Variants in LARGE1 observed in about 807,000 individuals in gnomAD.
LARGE1 encodes the protein LARGE xylosyl- and glucuronyltransferase 1, also known as xylosyl- and glucuronyltransferase LARGE1.
LARGE1 carries 43 observed loss-of-function variants against 87.6 expected under a neutral mutation model. The observed-to-expected ratio is 0.49, with a 90% confidence interval of 0.38 to 0.63. The LOEUF is 0.63. Ranked by LOEUF, LARGE1 falls within the 30% of genes least tolerant of loss-of-function variation. The pLI, the probability that LARGE1 is intolerant of heterozygous loss-of-function variation, is 0.00. For synonymous variants in LARGE1, 434 were observed against 394.6 expected, an observed-to-expected ratio of 1.10 and a Z score of -1.18; for missense variants, 802 against 1,000.2, an observed-to-expected ratio of 0.80 and a Z score of 2.67.
chr22:33,115,323 A>G, the LARGE1 span, among the ~76,000 whole-genome samples: 1 of 152,136 alleles, frequency 6.6e-6, no homozygotes, highest in Non-Finnish European at 1.5e-5. Flanking sequence ...TCACGGCTGT[A>G]ATCCCAGCAC....
chr22:33,324,331 A>G (rs936044946), intron 10 of LARGE1, among the ~76,000 whole-genome samples: 2 of 145,602 alleles, frequency 1.4e-5, no homozygotes, highest in Non-Finnish European at 3.0e-5. Context: ...AAAGCCAAAA[A>G]CAAAACCTGC....
At chr22:33,507,630 T>C (rs1422768973) in intron 6 of LARGE1, among the ~76,000 whole-genome samples, 1 of 152,206 alleles carries the variant, frequency 6.6e-6, no homozygotes, top group Non-Finnish European at 1.5e-5. Context: ...TGGAGATGGA[T>C]GGTGGCGATG....
At chr22:33,172,259 G>C (rs1922616632) in intron 11 of LARGE1, among the ~76,000 whole-genome samples, 1 of 152,200 alleles carries the variant, frequency 6.6e-6, no homozygotes, top group Non-Finnish European at 1.5e-5. Flanking sequence ...AGGCTCATAG[G>C]GACTTGCTTT....
rs746365943 is a variant in LARGE1, at chr22:33,435,653, G to GTGC, written c.788-3391_788-3389dup. Among the ~76,000 whole-genome samples, 7 of 152,096 alleles carry GTGC rather than the reference G, an allele frequency of 4.6e-5. No homozygotes were observed. The South Asian group carries it at 1.0e-3, about 23-fold the overall frequency. On this transcript the variant is annotated intron_variant, in intron 6 of 14. Transcript: ENST00000397394. ...GATGGGGAGGCAGCACCCACTTGGG[G>GTGC]TGCTCTACATAAGGCTTAAACTCAA... is the stretch of plus-strand genomic sequence containing the variant.
chr22:33,855,660 C>T (rs2063735811), intron 1 of LARGE1, among the ~76,000 whole-genome samples: 1 of 152,178 alleles, frequency 6.6e-6, no homozygotes, highest in Non-Finnish European at 1.5e-5. Context: ...TGATGAGCAG[C>T]CCTCTGCCCC....
intron 1 of LARGE1, among the ~76,000 whole-genome samples, chr22:33,765,132 C>CT (rs1341880910): frequency 6.6e-6 from 1 of 152,110 alleles, no homozygotes; most frequent in African/African-American, 2.4e-5. Flanking sequence ...GAGATAAACA[C>CT]TATTTCCAGT....
At chr22:33,782,622 T>C (rs1008946205) in intron 1 of LARGE1, among the ~76,000 whole-genome samples, 1 of 151,986 alleles carries the variant, frequency 6.6e-6, no homozygotes. Context: ...ATCCCAGCAC[T>C]TTGGGAGGCC....
chr22:33,276,034 C>T (rs1352738710), intron 14 of LARGE1, among the ~76,000 whole-genome samples: 1 of 152,182 alleles, frequency 6.6e-6, no homozygotes, highest in African/African-American at 2.4e-5. Context: ...CTCTCAATCA[C>T]CTGGGGCTGT....
At chr22:33,138,816 G>A in the LARGE1 span, among the ~76,000 whole-genome samples, 1 of 152,102 alleles carries the variant, frequency 6.6e-6, no homozygotes, top group Non-Finnish European at 1.5e-5. Flanking sequence ...GCATGAATTG[G>A]TTTTGAAACG....
chr22:33,397,690 T>C (rs1432256837), intron 7 of LARGE1, among the ~76,000 whole-genome samples: 6 of 152,228 alleles, frequency 3.9e-5, no homozygotes, highest in Admixed American at 2.0e-4. Flanking sequence ...GTTGAGTACA[T>C]ACCTCCAAGT....
At chr22:33,299,985 A>G (rs1417369421) in intron 12 of LARGE1, among the ~76,000 whole-genome samples, 1 of 152,196 alleles carries the variant, frequency 6.6e-6, no homozygotes, top group African/African-American at 2.4e-5. Context: ...TTTGGCTGTA[A>G]TATTAGCTGG....
At chr22:33,733,951 T>G (rs886535571) in intron 2 of LARGE1, among the ~76,000 whole-genome samples, 1 of 152,168 alleles carries the variant, frequency 6.6e-6, no homozygotes, top group Non-Finnish European at 1.5e-5. Context: ...AGAAATGTAC[T>G]GCCTCACAGT....
At chr22:33,296,801 T>C (rs1933338146) in intron 12 of LARGE1, among the ~76,000 whole-genome samples, 1 of 152,134 alleles carries the variant, frequency 6.6e-6, no homozygotes, top group Admixed American at 6.5e-5. Context: ...ACTCCCAACC[T>C]CAGGTGATCT....
intron 6 of LARGE1, among the ~76,000 whole-genome samples, chr22:33,475,505 A>C (rs1423045218): frequency 6.6e-6 from 1 of 151,278 alleles, no homozygotes; most frequent in East Asian, 1.9e-4. Context: ...CTTGTTGCCC[A>C]GGCTGGAGTG....
At chr22:33,365,883 T>C (rs963342338) in intron 9 of LARGE1, among the ~76,000 whole-genome samples, 2 of 152,244 alleles carry the variant, frequency 1.3e-5, no homozygotes, top group Admixed American at 1.3e-4. Context: ...CCCAATGTGC[T>C]GGGATTACAG....
rs983258845 is a variant in LARGE1, at chr22:33,384,210, A to G, written c.987T>C (p.Ser329=). The change falls in exon 8 of 15, where the codon TCT becomes TCC. Residue 329 remains serine, a synonymous_variant. Transcript: ENST00000397394. ...TAERELMGML[S]TSLADQDIFN... is the part of the protein sequence containing the mutation. ...CACTCACCTGGTCAGCTAAGGATGT[A>G]GAGAGCATGCCCATGAGCTCCCTCT... 3 of 1,613,702 alleles carry G rather than the reference A, an allele frequency of 1.9e-6. No homozygotes were observed. In the African/African-American group the frequency reaches 4.0e-5, roughly 22 times the overall value.
chr22:33,295,041 C>T (rs771817470), intron 12 of LARGE1, among the ~76,000 whole-genome samples: 8 of 152,088 alleles, frequency 5.3e-5, no homozygotes, highest in Non-Finnish European at 1.0e-4. Context: ...TAACATTTGC[C>T]CAGGGCCTAG....
intron 1 of LARGE1, among the ~76,000 whole-genome samples, chr22:33,857,934 C>G (rs961565664): frequency 1.3e-5 from 2 of 152,168 alleles, no homozygotes; most frequent in Non-Finnish European, 2.9e-5. Flanking sequence ...GTTCCAACTC[C>G]CAAGATCGTG....
Position 33,785,095 on chromosome 22 carries a change from ACAT to A in LARGE1, c.-82-23540_-82-23538del, listed in dbSNP as rs1569445786. ...TGTGTATACATACATATGTGTATAT[ACAT>A]GTGTATACATACATATGTGTATATG... On this transcript the variant is annotated intron_variant, in intron 1 of 14. Transcript: ENST00000397394. 3.3e-3 allele frequency among the ~76,000 whole-genome samples: 488 copies of A among 150,068 alleles called. 9 individuals are homozygous for A. The highest frequency in any genetic ancestry group is 0.011 in the African/African-American group (466 of 40,658).
Sources: gnomAD v4.1 joint callset for allele counts (sites outside exome capture counted in the v4.1 genomes callset) on GRCh38, gnomAD v4.1.1 for gene constraint, MANE v1.5 for transcripts, NCBI Gene and HGNC (gene_info 2026-07-23, HGNC 2026-07-21) for gene names.